The following LRP1B variants were observed in gnomAD, a reference collection of about 807,000 sequenced individuals.
The protein encoded by LRP1B is LDL receptor related protein 1B.
In LRP1B, 217 loss-of-function variants were observed where a neutral mutation model predicts 556.6. That is an observed-to-expected ratio of 0.39 (90% CI 0.35 to 0.44). The LOEUF (loss-of-function observed/expected upper bound fraction) is 0.44. Among genes scored for constraint, LRP1B ranks in the 20% least tolerant of loss-of-function variants. The pLI is 1.00. For synonymous variants in LRP1B, 2,047 were observed against 1,865.8 expected (o/e 1.10, Z -2.50); for missense variants, 5,053 against 5,620.8 (o/e 0.90, Z 3.23).
chr2:141,954,775 CAA>C (rs1448489995), intron 1 of LRP1B, among the ~76,000 whole-genome samples: 1 of 152,034 alleles, frequency 6.6e-6, no homozygotes, highest in Non-Finnish European at 1.5e-5. Flanking sequence ...ATTCATAGCT[CAA>C]AGTTTTGAGC....
intron 87 of LRP1B, among the ~76,000 whole-genome samples, chr2:140,246,315 C>T (rs1681158274): frequency 6.6e-6 from 1 of 151,338 alleles, no homozygotes; most frequent in Admixed American, 6.6e-5. Flanking sequence ...TTTATTTACA[C>T]CCAATAGACA....
At chr2:142,004,208 G>A (rs1037172458) in intron 1 of LRP1B, among the ~76,000 whole-genome samples, 7 of 152,140 alleles carry the variant, frequency 4.6e-5, no homozygotes, top group Non-Finnish European at 8.8e-5. Context: ...GGGTGAAACA[G>A]AAGCAAATGA....
Position 140,978,763 on chromosome 2 carries a change from G to A in LRP1B, c.2887+3397C>T, listed in dbSNP as rs114236686. 2.3e-3 allele frequency among the ~76,000 whole-genome samples: 354 copies of A among 152,246 alleles called. 1 individual carries two copies. Among genetic ancestry groups the A allele is most frequent in the African/African-American group, 8.3e-3 (344 of 41,540 alleles). On this transcript the variant is annotated intron_variant, in intron 18 of 90. Coordinates refer to ENST00000389484, the MANE Select transcript of LRP1B (RefSeq NM_018557.3). ...TTAAATAACAATCTGAAAGGTAAAT[G>A]TGTGTTACTGAAGAGAGAAACATGT...
intron 32 of LRP1B, among the ~76,000 whole-genome samples, chr2:140,806,490 T>A (rs964475377): frequency 6.6e-6 from 1 of 152,084 alleles, no homozygotes; most frequent in African/African-American, 2.4e-5. Context: ...CAGAGAATAA[T>A]GAATAAATAG....
intron 18 of LRP1B, among the ~76,000 whole-genome samples, chr2:140,966,127 C>T (rs1321201569): frequency 6.6e-6 from 1 of 152,188 alleles, no homozygotes; most frequent in African/African-American, 2.4e-5. Flanking sequence ...GAGGAATCAC[C>T]ACACCGTCTT....
At position 141,639,322 on chromosome 2, in the gene LRP1B, A is replaced by G. The variant is rs1307590380; in HGVS notation, c.206-158789T>C. 3.0e-3 allele frequency among the ~76,000 whole-genome samples: 59 copies of G among 19,480 alleles called. 7 individuals are homozygous for G. The highest frequency in any genetic ancestry group is 5.0e-3 in the Non-Finnish European group (44 of 8,818). The allele number at this position is 19,480 out of a possible 152,430, so 12.8% of individuals were successfully genotyped here. On this transcript the variant is annotated intron_variant, in intron 2 of 90. Transcript: ENST00000389484. ...CATGTGTGTATATATATATATATAT[A>G]TATATATATATATATATATATATAT...
intron 2 of LRP1B, among the ~76,000 whole-genome samples, chr2:141,753,312 T>G (rs2105573851): frequency 9.3e-6 from 1 of 107,214 alleles, no homozygotes; most frequent in African/African-American, 3.4e-5. Context: ...GCAGCCAAAC[T>G]TCAGTATCAC....
At chr2:140,830,689 G>A (rs547103287) in intron 31 of LRP1B, among the ~76,000 whole-genome samples, 80 of 152,156 alleles carry the variant, frequency 5.3e-4, no homozygotes, top group Non-Finnish European at 1.0e-3. Flanking sequence ...CTAAGTTCTG[G>A]AACAAGACAA....
At chr2:140,580,663 T>C (rs1400559812) in intron 43 of LRP1B, among the ~76,000 whole-genome samples, 1 of 151,862 alleles carries the variant, frequency 6.6e-6, no homozygotes, top group Non-Finnish European at 1.5e-5. Flanking sequence ...TCTGTCATTA[T>C]GTATTTATAC....
chr2:140,679,669 A>T (rs1022875418), intron 41 of LRP1B, among the ~76,000 whole-genome samples: 3 of 152,162 alleles, frequency 2.0e-5, no homozygotes, highest in African/African-American at 4.8e-5. Context: ...AGTCAGTTTC[A>T]ACGACCCCTT....
chr2:140,857,777 G>A (rs1359105726), intron 27 of LRP1B, among the ~76,000 whole-genome samples: 3 of 152,030 alleles, frequency 2.0e-5, no homozygotes, highest in Admixed American at 2.0e-4. Context: ...TCTGTATGCA[G>A]CTTTTGGTGT....
chr2:141,113,611 T>A (rs1212689384), intron 7 of LRP1B, among the ~76,000 whole-genome samples: 1 of 152,154 alleles, frequency 6.6e-6, no homozygotes, highest in Admixed American at 6.6e-5. Context: ...TTTATTATTA[T>A]GCAGAACCAA....
At chr2:141,476,875 G>A (rs1474587232) in intron 3 of LRP1B, among the ~76,000 whole-genome samples, 5 of 152,142 alleles carry the variant, frequency 3.3e-5, no homozygotes, top group African/African-American at 1.2e-4. Flanking sequence ...TGTAATTCAA[G>A]CACTTTGTGA....
intron 89 of LRP1B, 92 bp from the exon 90 acceptor site, chr2:140,234,976 A>G: frequency 1.6e-6 from 1 of 625,620 alleles, no homozygotes; most frequent in East Asian, 2.7e-5. Flanking sequence ...AAAATAACAT[A>G]AAAATACCCT....
chr2:141,818,827 C>T (rs1312597688), intron 1 of LRP1B, among the ~76,000 whole-genome samples: 2 of 151,680 alleles, frequency 1.3e-5, no homozygotes, highest in South Asian at 2.1e-4. Context: ...TGAGCTACCG[C>T]ACCTGGATAA....
At chr2:141,313,985 C>CT (rs1317421930) in intron 3 of LRP1B, among the ~76,000 whole-genome samples, 2 of 151,752 alleles carry the variant, frequency 1.3e-5, no homozygotes, top group African/African-American at 4.8e-5. Context: ...TCTATTAGGA[C>CT]ATTTAGTTAG....
chr2:141,389,277 T>C (rs907378587), intron 3 of LRP1B, among the ~76,000 whole-genome samples: 8 of 152,142 alleles, frequency 5.3e-5, no homozygotes, highest in African/African-American at 1.7e-4. Flanking sequence ...ATGGCATACA[T>C]GTAGATCAAT....
intron 2 of LRP1B, among the ~76,000 whole-genome samples, chr2:141,654,992 A>T (rs1474070945): frequency 6.6e-6 from 1 of 152,102 alleles, no homozygotes; most frequent in Non-Finnish European, 1.5e-5. Flanking sequence ...TTTGCAATTT[A>T]TCAGTACAGA....
chr2:142,088,952 G>A (rs1407449337), intron 1 of LRP1B, among the ~76,000 whole-genome samples: 2 of 137,540 alleles, frequency 1.5e-5, no homozygotes, highest in Non-Finnish European at 3.0e-5. Context: ...TCCAGCCTGG[G>A]TGACAGAGCA....
Sources: allele counts gnomAD v4.1 joint callset (sites outside exome capture counted in the v4.1 genomes callset), GRCh38; gene constraint gnomAD v4.1.1; transcripts MANE v1.5; gene names NCBI Gene and HGNC (gene_info 2026-07-23, HGNC 2026-07-21).